The following NBEA variants were observed in gnomAD, a reference collection of about 807,000 sequenced individuals.
The protein encoded by NBEA is lysosomal-trafficking regulator 2.
In NBEA, 44 loss-of-function variants were observed where a neutral mutation model predicts 343.4. The ratio of observed to expected loss-of-function variants is 0.13; its 90% CI spans 0.10 to 0.16. NBEA has a LOEUF of 0.16. Ranked by LOEUF, NBEA falls within the 10% of genes least tolerant of loss-of-function variation. The probability of loss-of-function intolerance (pLI) is 1.00; values close to 1 mark genes in which losing one functional copy is unlikely to be tolerated. For synonymous variants in NBEA, 1,175 were observed against 1,238.7 expected (o/e 0.95, Z 1.08); for missense variants, 2,555 against 3,631.3 (o/e 0.70, Z 7.62).
chr13:35,671,112 C>G lies in NBEA; in HGVS notation c.*121C>G. 1.5e-6 allele frequency: 1 copy of G among 655,280 alleles called. No homozygotes were observed. Among genetic ancestry groups the G allele is most frequent in the Non-Finnish European group, 2.7e-6 (1 of 372,548 alleles). The allele number at this position is 655,280 out of a possible 1,614,324, so 40.6% of individuals were successfully genotyped here. On this transcript the variant is annotated 3_prime_UTR_variant, in exon 59 of 59. Coordinates refer to ENST00000379939, the MANE Select transcript of NBEA (RefSeq NM_001385012.1). The stretch of plus-strand genomic sequence containing the variant: ...CCTCCGTTTGTACATTCCATCACAC[C>G]CAGCAATAGCTGTACATTGTAGTCA...
chr13:34,995,881 G>A (rs2060923689), intron 1 of NBEA, among the ~76,000 whole-genome samples: 1 of 152,192 alleles, frequency 6.6e-6, no homozygotes, highest in African/African-American at 2.4e-5. Flanking sequence ...CTGAATTAGA[G>A]CATAAGGCAG....
intron 34 of NBEA, among the ~76,000 whole-genome samples, chr13:35,269,229 T>C (rs187849763): frequency 4.2e-4 from 64 of 152,274 alleles, no homozygotes; most frequent in African/African-American, 1.5e-3. Context: ...AAACATTGTT[T>C]TCTCATTTTT....
At chr13:35,400,584 A>C (rs932795551) in intron 38 of NBEA, among the ~76,000 whole-genome samples, 1 of 152,112 alleles carries the variant, frequency 6.6e-6, no homozygotes, top group African/African-American at 2.4e-5. Flanking sequence ...CATATTATCC[A>C]AGATGATAGA....
intron 36 of NBEA, among the ~76,000 whole-genome samples, chr13:35,327,927 A>C (rs1280192790): frequency 6.6e-6 from 1 of 151,938 alleles, no homozygotes. Flanking sequence ...AAAAACTCTC[A>C]GCAAACTACA....
intron 41 of NBEA, among the ~76,000 whole-genome samples, chr13:35,536,282 A>G (rs1482490169): frequency 1.3e-5 from 2 of 152,224 alleles, no homozygotes; most frequent in African/African-American, 4.8e-5. Context: ...GATACTTGAT[A>G]AATGGTAAAT....
At chr13:35,312,289 A>T (rs1474609563) in intron 36 of NBEA, among the ~76,000 whole-genome samples, 1 of 152,178 alleles carries the variant, frequency 6.6e-6, no homozygotes, top group Non-Finnish European at 1.5e-5. Flanking sequence ...AGGTTTTCAA[A>T]AGAGTACTTA....
intron 49 of NBEA, among the ~76,000 whole-genome samples, chr13:35,642,450 C>T (rs1330138551): frequency 6.6e-6 from 1 of 152,202 alleles, no homozygotes; most frequent in African/African-American, 2.4e-5. Context: ...ATTATACATG[C>T]TCATGAGCTC....
intron 58 of NBEA, among the ~76,000 whole-genome samples, chr13:35,669,029 T>C (rs2085486036): frequency 6.6e-6 from 1 of 152,254 alleles, no homozygotes; most frequent in Non-Finnish European, 1.5e-5. Flanking sequence ...ATTTACCTGT[T>C]TCTCATTTAT....
Position 35,041,154 on chromosome 13 carries a change from C to G in NBEA, c.516C>G (p.Asp172Glu). ...TGCTGAAAATGAGTGCTGTAGATGA[C>G]ATGATAGCAGGTATGGGGTTGTCTG... ...QVLLKMSAVDDMIADLLVDML... is the reference protein window; with the variant it reads ...QVLLKMSAVDEMIADLLVDML... Residue 172 changes from aspartate to glutamate, a missense_variant, in exon 2 of 59, where the codon GAC (aspartate) becomes GAG (glutamate). This residue lies in a region of NBEA where 185 missense variants were observed against 290.6 expected (regional missense o/e 0.64). Transcript: ENST00000379939. The G allele has an allele frequency of 6.2e-7, 1 of 1,610,860 alleles. No homozygotes were observed. The highest frequency in any genetic ancestry group is 1.7e-5 in the Admixed American group (1 of 59,866).
At chr13:35,199,179 A>G (rs779652974) in intron 31 of NBEA, among the ~76,000 whole-genome samples, 1 of 152,158 alleles carries the variant, frequency 6.6e-6, no homozygotes, top group Non-Finnish European at 1.5e-5. Context: ...GCATTTTTCA[A>G]TTATACTTCC....
intron 41 of NBEA, among the ~76,000 whole-genome samples, chr13:35,495,154 G>A (rs2076633429): frequency 6.6e-6 from 1 of 151,896 alleles, no homozygotes; most frequent in South Asian, 2.1e-4. Context: ...GATACAGATA[G>A]GTTGAAAATA....
At chr13:35,419,907 A>AT (rs2044167098) in intron 38 of NBEA, among the ~76,000 whole-genome samples, 1 of 151,924 alleles carries the variant, frequency 6.6e-6, no homozygotes, top group Non-Finnish European at 1.5e-5. Context: ...AGTGATTATA[A>AT]TTTTTTGTGT....
At chr13:35,332,687 A>G (rs968291296) in intron 36 of NBEA, among the ~76,000 whole-genome samples, 3 of 152,174 alleles carry the variant, frequency 2.0e-5, no homozygotes, top group Non-Finnish European at 4.4e-5. Context: ...GGAAGATTTC[A>G]GGGAGGCAGA....
chr13:35,629,064 T>G (rs1020369703), intron 49 of NBEA, among the ~76,000 whole-genome samples: 3 of 152,348 alleles, frequency 2.0e-5, no homozygotes, highest in Non-Finnish European at 2.9e-5. Flanking sequence ...AGTTGGGAAT[T>G]ATGTGCTGTA....
intron 32 of NBEA, among the ~76,000 whole-genome samples, chr13:35,209,503 C>CTT (rs201194360): frequency 6.8e-6 from 1 of 147,532 alleles, no homozygotes; most frequent in Non-Finnish European, 1.5e-5. Context: ...CTAAAATAAC[C>CTT]TTTTTTTTTT....
intron 2 of NBEA, among the ~76,000 whole-genome samples, chr13:35,041,677 G>T (rs994149148): frequency 6.6e-6 from 1 of 151,660 alleles, no homozygotes; most frequent in Non-Finnish European, 1.5e-5. Flanking sequence ...AATATATTAT[G>T]GGCTAGAACA....
At chr13:35,326,972 A>G (rs1279157674) in intron 36 of NBEA, among the ~76,000 whole-genome samples, 1 of 152,058 alleles carries the variant, frequency 6.6e-6, no homozygotes, top group African/African-American at 2.4e-5. Context: ...AATGGGCAAG[A>G]TACATGAACA....
In NBEA at chr13:35,452,100, G is replaced by A. The variant is rs910146888; in HGVS notation, c.6313G>A (p.Glu2105Lys). ...LKAAIEYGTE[E>K]DVVKSKKTFR... ...ATTTTTGTTGTGATTAGGCACGGAA[G>A]AAGATGTAGTAAAGTCAAAGAAAAC... The change falls in exon 40 of 59, where the codon GAA becomes AAA. Residue 2105 changes from glutamate (E) to lysine (K), a missense_variant. By Grantham distance (56) the Glu-to-Lys change is moderately conservative. Transcript: ENST00000379939. The A allele has an allele frequency of 6.2e-7, 1 of 1,611,756 alleles. No individual in the cohort carries two copies. Among genetic ancestry groups the A allele is most frequent in the Non-Finnish European group, 8.5e-7 (1 of 1,178,764 alleles).
intron 34 of NBEA, among the ~76,000 whole-genome samples, chr13:35,266,554 G>A (rs1043607956): frequency 3.3e-5 from 5 of 151,708 alleles, no homozygotes; most frequent in Admixed American, 1.3e-4. Flanking sequence ...GAACCTGGGA[G>A]ACATTATGTT....
Sources: allele counts gnomAD v4.1 joint callset (sites outside exome capture counted in the v4.1 genomes callset), GRCh38; gene constraint gnomAD v4.1.1; regional missense constraint gnomAD v4.1.1; transcripts MANE v1.5; gene names NCBI Gene and HGNC (gene_info 2026-07-23, HGNC 2026-07-21).